GPN1: variants seen among roughly 807,000 people sequenced by gnomAD.
GPN1 encodes the protein GPN-loop GTPase 1, also known as ATP(GTP)-binding protein.
In GPN1, 44 loss-of-function variants were observed where a neutral mutation model predicts 55.9. That is an observed-to-expected ratio of 0.79 (90% confidence interval 0.62 to 1.01). The LOEUF (loss-of-function observed/expected upper bound fraction) is 1.01. Ranked by LOEUF, GPN1 falls within the 50% of genes least tolerant of loss-of-function variation. The pLI, the probability that GPN1 is intolerant of heterozygous loss-of-function variation, is 0.00. For synonymous variants in GPN1, 179 were observed against 162.5 expected (o/e 1.10, Z -0.77); for missense variants, 466 against 462.8 (o/e 1.01, Z -0.06).
At chr2:27,631,529 G>A (rs1673553075) in intron 3 of GPN1, 1 of 503,546 alleles carries the variant, frequency 2.0e-6, no homozygotes, top group Admixed American at 3.6e-5. Context: ...AGAGCCGGAG[G>A]TGTTATACAG....
intron 7 of GPN1, among the ~76,000 whole-genome samples, chr2:27,635,437 A>G (rs993367253): frequency 7.2e-5 from 11 of 151,736 alleles, no homozygotes; most frequent in South Asian, 2.1e-4. Context: ...TTCTCTCTCA[A>G]TACCCTCTGA....
chr2:27,628,347 C>A, upstream of GPN1: 1 of 1,494,792 alleles, frequency 6.7e-7, no homozygotes, highest in Non-Finnish European at 8.9e-7. Flanking sequence ...TTCTGAGGGA[C>A]CTTCAGTGAC....
At chr2:27,632,372 A>G (rs4666005) in intron 4 of GPN1, among the ~76,000 whole-genome samples, 77,570 of 152,072 alleles carry the variant, frequency 0.51, 20,379 homozygotes, top group East Asian at 0.88. Flanking sequence ...AAGAGATAAC[A>G]ACTTGACATT....
At position 27,651,013 on chromosome 2, in the gene GPN1, C is replaced by T. The variant is rs1305363367; in HGVS notation, c.*813C>T. The T allele has an allele frequency of 6.6e-6, 1 of 152,336 alleles. No homozygotes were observed. The highest frequency in any genetic ancestry group is 1.5e-5 in the Non-Finnish European group (1 of 68,036). The allele number at this position is 152,336 out of a possible 1,614,324, so 9.4% of individuals were successfully genotyped here. On this transcript the variant is annotated 3_prime_UTR_variant, in exon 14 of 14. Transcript: ENST00000610189. Reference sequence around the variant, plus strand: ...CCCACGTGCACATACTGACTAAATACAGAGCTAGGCCCAGTTTGTATTGTA... The same window carrying T: ...CCCACGTGCACATACTGACTAAATATAGAGCTAGGCCCAGTTTGTATTGTA...
At chr2:27,638,361 C>G in intron 8 of GPN1, 106 bp downstream of exon 8, 1 of 671,888 alleles carries the variant, frequency 1.5e-6, no homozygotes, top group Non-Finnish European at 2.7e-6. Flanking sequence ...AGACCAGATT[C>G]AGGCTTTACT....
At chr2:27,629,785 G>A (rs1435497689) in intron 1 of GPN1, 74 bp from the exon 2 acceptor site, 2 of 817,364 alleles carry the variant, frequency 2.4e-6, no homozygotes, top group Non-Finnish European at 4.4e-6. Flanking sequence ...CTTAAGGCAT[G>A]GGTGTTAAAG....
rs1674485813 is a variant in GPN1 at position 27,650,674 on chromosome 2, C to T, written c.*474C>T. On this transcript the variant is annotated 3_prime_UTR_variant, in exon 14 of 14. Transcript: ENST00000610189. ...AAGGAAAAGGGAAACATGAGCTTAT[C>T]CAGAACGGTGGCAGAGTCTCCTTGG... The T allele has an allele frequency of 6.5e-6, 1 of 153,800 alleles. No homozygotes were observed. Among genetic ancestry groups the T allele is most frequent in the South Asian group, 2.0e-4 (1 of 4,906 alleles). The allele number at this position is 153,800 out of a possible 1,614,324, so 9.5% of individuals were successfully genotyped here. A position where few individuals can be genotyped will look rare whatever the true frequency, so the allele number is the denominator to read the frequency against.
In GPN1 at chr2:27,639,089, G is replaced by A. The variant is rs1280816291; in HGVS notation, c.717+58G>A. On this transcript the variant is annotated intron_variant, in intron 9 of 13. Coordinates refer to ENST00000610189, the MANE Select transcript of GPN1 (RefSeq NM_007266.4). Reference sequence around the variant, plus strand: ...TCTCCAGATAATCTGTTAACCCATAGGATTGGCTTTGAACCTGGCTGAGAA... The same window carrying A: ...TCTCCAGATAATCTGTTAACCCATAAGATTGGCTTTGAACCTGGCTGAGAA... 7 of 1,392,728 alleles carry A rather than the reference G, an allele frequency of 5.0e-6. No homozygotes were observed. The South Asian group carries it at 5.5e-5, about 11-fold the overall frequency. The allele number at this position is 1,392,728 out of a possible 1,614,324, so 86.3% of individuals were successfully genotyped here.
At position 27,638,246 on chromosome 2, in the gene GPN1, C is replaced by A; in HGVS notation, c.561C>A (p.Val187=). The part of the protein sequence containing the change: ...LYKTKLPFIV[V]MNKTDIIDHS... The stretch of plus-strand genomic sequence containing the variant: ...AAACCAAGCTGCCTTTCATTGTGGT[C>A]ATGAATAAAGTAAGTGTATTCTTCC... Residue 187 remains valine, a synonymous_variant, in exon 8 of 14, where the codon GTC becomes GTA. Coordinates refer to ENST00000610189, the MANE Select transcript of GPN1 (RefSeq NM_007266.4). 1 of 1,557,584 alleles carries A rather than the reference C, an allele frequency of 6.4e-7. No homozygotes were observed. Among genetic ancestry groups the A allele is most frequent in the South Asian group, 1.1e-5 (1 of 89,844 alleles).
chr2:27,635,105 C>T (rs1196201608), intron 6 of GPN1, 35 bp from the exon 7 acceptor site: 1 of 1,285,898 alleles, frequency 7.8e-7, no homozygotes, highest in African/African-American at 1.5e-5. Context: ...ATCGTGAGCC[C>T]TCTGACCAAG....
chr2:27,640,874 G>A (rs1046032315), intron 10 of GPN1, among the ~76,000 whole-genome samples: 3 of 152,126 alleles, frequency 2.0e-5, no homozygotes, highest in Non-Finnish European at 4.4e-5. Flanking sequence ...TCCTTTCACT[G>A]TTGTTGTTCA....
rs58939047 is a variant in GPN1 at position 27,639,969 on chromosome 2, T to C, written c.718-74T>C. On this transcript the variant is annotated intron_variant, in intron 9 of 13. Transcript: ENST00000610189. ...CACTCTTACTAAGATTTTATGACAT[T>C]TAAACAAGTTAATGTACTTCATTAA... 1.8e-3 allele frequency: 1,846 copies of C among 1,016,722 alleles called. 31 individuals are homozygous for C. In the African/African-American group the frequency reaches 0.026, roughly 14 times the overall value. The allele number at this position is 1,016,722 out of a possible 1,614,324, so 63.0% of individuals were successfully genotyped here.
At chr2:27,645,303 G>A (rs1041079325) in intron 12 of GPN1, among the ~76,000 whole-genome samples, 1 of 152,048 alleles carries the variant, frequency 6.6e-6, no homozygotes, top group Non-Finnish European at 1.5e-5. Context: ...GCTTTGGTGA[G>A]CAAGGACTCC....
At chr2:27,635,271 G>T in intron 7 of GPN1, 37 bp downstream of exon 7, 2 of 931,004 alleles carry the variant, frequency 2.1e-6, no homozygotes, top group South Asian at 1.4e-5. Context: ...TTCCATCAAG[G>T]TATAAGGCCT....
intron 7 of GPN1, among the ~76,000 whole-genome samples, chr2:27,637,842 C>G (rs1673789546): frequency 6.6e-6 from 1 of 152,058 alleles, no homozygotes; most frequent in Non-Finnish European, 1.5e-5. Context: ...TACAAATATT[C>G]CAAAATCTGA....
intron 12 of GPN1, among the ~76,000 whole-genome samples, chr2:27,644,995 TCTCA>T (rs1242315324): frequency 3.9e-5 from 6 of 152,186 alleles, no homozygotes; most frequent in Admixed American, 1.3e-4. Flanking sequence ...TGAGATAGTT[TCTCA>T]CTCTGTCACC....
At chr2:27,642,397 G>T in intron 11 of GPN1, 32 bp from the exon 12 acceptor site, 1 of 1,372,146 alleles carries the variant, frequency 7.3e-7, no homozygotes, top group South Asian at 1.2e-5. Flanking sequence ...ACTCCTTTTT[G>T]AATATGATGA....
rs760117292 is a variant in GPN1, at chr2:27,647,961, T to C, written c.1039+18T>C. On this transcript the variant is annotated intron_variant, in intron 13 of 13. Coordinates refer to ENST00000610189, the MANE Select transcript of GPN1 (RefSeq NM_007266.4). ...CCACAGAGGTGAGAGGTGGCTGAGG[T>C]GGCCCGTGGCAACAGAGCATCTGCT... is the stretch of plus-strand genomic sequence containing the variant. 7.1e-7 allele frequency: 1 copy of C among 1,410,832 alleles called. No individual in the cohort carries two copies. 87.4% of individuals were successfully genotyped at this position (1,410,832 alleles called of 1,614,324 possible). A position where few individuals can be genotyped will look rare whatever the true frequency, so the allele number is the denominator to read the frequency against.
At chr2:27,649,226 CAA>C (rs886614248) in intron 13 of GPN1, among the ~76,000 whole-genome samples, 1 of 150,534 alleles carries the variant, frequency 6.6e-6, no homozygotes, top group Non-Finnish European at 1.5e-5. Context: ...GCCTCGGTAA[CAA>C]GAGTGAAACT....
Sources: allele counts gnomAD v4.1 joint callset (sites outside exome capture counted in the v4.1 genomes callset), GRCh38; gene constraint gnomAD v4.1.1; transcripts MANE v1.5; gene names NCBI Gene and HGNC (gene_info 2026-07-23, HGNC 2026-07-21).